Variants in OXR1 observed in about 807,000 individuals in gnomAD.
OXR1 encodes oxidation resistance 1.
In OXR1, 41 loss-of-function variants were observed where a neutral mutation model predicts 104.6. The observed-to-expected ratio is 0.39, with a 90% confidence interval of 0.31 to 0.51. OXR1 has a LOEUF of 0.51. Among genes scored for constraint, OXR1 ranks in the 20% least tolerant of loss-of-function variants. OXR1 has a pLI of 0.77. For synonymous variants in OXR1, 348 were observed against 348.4 expected, an observed-to-expected ratio of 1.00 and a Z score of 0.01; for missense variants, 955 against 1,031.9, an observed-to-expected ratio of 0.93 and a Z score of 1.02.
chr8:106,479,028 C>T (rs1335439000), intron 2 of OXR1, among the ~76,000 whole-genome samples: 1 of 151,830 alleles, frequency 6.6e-6, no homozygotes, highest in African/African-American at 2.4e-5. Flanking sequence ...AATACTATAG[C>T]AATTCAATAC....
intron 11 of OXR1, among the ~76,000 whole-genome samples, chr8:106,715,440 TTA>T (rs780896215): frequency 5.4e-5 from 8 of 147,114 alleles, no homozygotes; most frequent in South Asian, 2.1e-4. Context: ...TATATGTATC[TTA>T]TATATATATA....
chr8:106,544,761 C>A (rs1301730301), intron 3 of OXR1, among the ~76,000 whole-genome samples: 2 of 152,202 alleles, frequency 1.3e-5, no homozygotes, highest in African/African-American at 4.8e-5. Flanking sequence ...ACAATAGTCT[C>A]AATTAGCTCC....
chr8:106,744,120 C>G lies in OXR1; in HGVS notation c.2413-1669C>G, dbSNP rs562054622. Among the ~76,000 whole-genome samples the G allele has an allele frequency of 3.3e-5, 5 of 152,096 alleles. No individual in the cohort carries two copies. The South Asian group carries it at 8.3e-4, about 25-fold the overall frequency. ...ATGCTGGGCTTAATACCTAGTTGAT[C>G]GGATGATCTGTGCAGCAAACCACTG... On this transcript the variant is annotated intron_variant, in intron 15 of 16. Coordinates refer to ENST00000517566, the MANE Select transcript of OXR1 (RefSeq NM_001198533.2).
At chr8:106,691,059 T>C (rs921991863) in intron 6 of OXR1, among the ~76,000 whole-genome samples, 3 of 152,040 alleles carry the variant, frequency 2.0e-5, no homozygotes, top group African/African-American at 7.2e-5. Flanking sequence ...CAAATCATAT[T>C]GTATAATATA....
intron 3 of OXR1, among the ~76,000 whole-genome samples, chr8:106,526,570 T>G (rs1189680962): frequency 6.6e-6 from 1 of 152,184 alleles, no homozygotes; most frequent in African/African-American, 2.4e-5. Context: ...TGAGACGGAG[T>G]CTCGCTCTGT....
At chr8:106,511,453 GC>G (rs1192680533) in intron 2 of OXR1, among the ~76,000 whole-genome samples, 4 of 152,124 alleles carry the variant, frequency 2.6e-5, no homozygotes, top group African/African-American at 9.7e-5. Flanking sequence ...TGGTCTTCTT[GC>G]TGGAAATTAC....
At chr8:106,283,713 A>C (rs1262836407) in intron 1 of OXR1, among the ~76,000 whole-genome samples, 1 of 152,144 alleles carries the variant, frequency 6.6e-6, no homozygotes, top group African/African-American at 2.4e-5. Flanking sequence ...TAAACTTCCT[A>C]ACCATTTTAA....
chr8:106,699,848 T>C (rs1443953117), intron 7 of OXR1, among the ~76,000 whole-genome samples: 1 of 152,220 alleles, frequency 6.6e-6, no homozygotes, highest in African/African-American at 2.4e-5. Context: ...TACAAAAGAT[T>C]ATTTATGTAA....
At chr8:106,641,153 T>G (rs370471762) in intron 3 of OXR1, among the ~76,000 whole-genome samples, 1 of 152,240 alleles carries the variant, frequency 6.6e-6, no homozygotes, top group African/African-American at 2.4e-5. Flanking sequence ...CACACAGCTG[T>G]CTTCTTCTTT....
At chr8:106,485,701 C>T (rs1810604341) in intron 2 of OXR1, among the ~76,000 whole-genome samples, 1 of 151,896 alleles carries the variant, frequency 6.6e-6, no homozygotes. Flanking sequence ...TTTACAATAG[C>T]TAAGATATGA....
At chr8:106,443,100 G>C (rs182443947) in intron 2 of OXR1, among the ~76,000 whole-genome samples, 1 of 152,182 alleles carries the variant, frequency 6.6e-6, no homozygotes, top group Non-Finnish European at 1.5e-5. Flanking sequence ...ATTCTGGTAC[G>C]TTGTATCTTT....
In OXR1 at chr8:106,615,409, G is replaced by A. The variant is rs531016372; in HGVS notation, c.221-63801G>A. On this transcript the variant is annotated intron_variant, in intron 3 of 16. Coordinates refer to ENST00000517566, the MANE Select transcript of OXR1 (RefSeq NM_001198533.2). ...ATTGCGCCACTGCACTCCAGCCTGG[G>A]CAACAGAGTAAGACTCCGTCTCAAA... Among the ~76,000 whole-genome samples, 418 of 151,716 alleles carry A rather than the reference G, an allele frequency of 2.8e-3. 2 individuals carry two copies. Among genetic ancestry groups the A allele is most frequent in the Non-Finnish European group, 3.8e-3 (258 of 67,904 alleles).
intron 2 of OXR1, among the ~76,000 whole-genome samples, chr8:106,487,433 T>A (rs181029920): frequency 0.015 from 2,343 of 151,840 alleles, 53 homozygotes; most frequent in African/African-American, 0.054. Context: ...TTTTGTTTTT[T>A]TTATTATACT....
At chr8:106,626,160 T>C (rs1822138760) in intron 3 of OXR1, among the ~76,000 whole-genome samples, 1 of 151,900 alleles carries the variant, frequency 6.6e-6, no homozygotes, top group African/African-American at 2.4e-5. Context: ...GTGTTGAAGC[T>C]ATCAAGCCTA....
chr8:106,318,162 T>TA (rs1185349269), intron 1 of OXR1, among the ~76,000 whole-genome samples: 4 of 152,090 alleles, frequency 2.6e-5, no homozygotes, highest in African/African-American at 4.8e-5. Flanking sequence ...AATTGATTAT[T>TA]AAAAAAAATC....
At chr8:106,304,220 T>A (rs938264034) in intron 1 of OXR1, among the ~76,000 whole-genome samples, 1 of 152,212 alleles carries the variant, frequency 6.6e-6, no homozygotes, top group Non-Finnish European at 1.5e-5. Context: ...TTTATTTTTT[T>A]AAAGGCAAAC....
chr8:106,293,452 G>T (rs1025206893), intron 1 of OXR1, among the ~76,000 whole-genome samples: 2 of 152,154 alleles, frequency 1.3e-5, no homozygotes, highest in Admixed American at 1.3e-4. Context: ...TGCTGATTTT[G>T]TCATTGTACA....
intron 2 of OXR1, among the ~76,000 whole-genome samples, chr8:106,384,021 A>G (rs1817266174): frequency 6.6e-6 from 1 of 152,210 alleles, no homozygotes; most frequent in African/African-American, 2.4e-5. Context: ...CAAATGGGCA[A>G]GGGGGAAGAC....
intron 16 of OXR1, among the ~76,000 whole-genome samples, chr8:106,750,267 T>C (rs1835765672): frequency 6.6e-6 from 1 of 151,384 alleles, no homozygotes; most frequent in Non-Finnish European, 1.5e-5. Context: ...AAGTTCATTA[T>C]AGAGGACACT....
Sources: gnomAD v4.1 joint callset for allele counts (sites outside exome capture counted in the v4.1 genomes callset) on GRCh38, gnomAD v4.1.1 for gene constraint, MANE v1.5 for transcripts, NCBI Gene and HGNC (gene_info 2026-07-23, HGNC 2026-07-21) for gene names.